The following DACH2 variants were observed in gnomAD, a reference collection of about 807,000 sequenced individuals.
DACH2 encodes dachshund family transcription factor 2, also known as dachshund homolog 2.
In DACH2, 17 loss-of-function variants were observed where a neutral mutation model predicts 35.8. The ratio of observed to expected loss-of-function variants is 0.48; its 90% CI spans 0.33 to 0.71. The LOEUF (loss-of-function observed/expected upper bound fraction) is 0.71. Among genes scored for constraint, DACH2 ranks in the 30% least tolerant of loss-of-function variants. The pLI, the probability that DACH2 is intolerant of heterozygous loss-of-function variation, is 0.02. For missense variants in DACH2, 469 were observed against 472.7 expected, an observed-to-expected ratio of 0.99 and a Z score of 0.07; for synonymous variants, 195 against 177.3, an observed-to-expected ratio of 1.10 and a Z score of -0.79.
chrX:86,170,369 C>T (rs2147872516), intron 1 of DACH2, among the ~76,000 whole-genome samples: 1 of 111,372 alleles, frequency 9.0e-6, no homozygotes, highest in African/African-American at 3.3e-5. Context: ...TCGCTTAAGG[C>T]CCTAGGGTTC....
chrX:86,204,898 A>G lies in DACH2; in HGVS notation c.488+55790A>G, dbSNP rs767833437. On this transcript the variant is annotated intron_variant, in intron 1 of 11. Coordinates refer to ENST00000373125, the MANE Select transcript of DACH2 (RefSeq NM_053281.3). Reference sequence around the variant, plus strand: ...AAAATTTGGTCTAGTTTTGTTGGTTATAGTTTTGTCTCCCTGTGGATGAGA... The same window carrying G: ...AAAATTTGGTCTAGTTTTGTTGGTTGTAGTTTTGTCTCCCTGTGGATGAGA... Among the ~76,000 whole-genome samples the G allele has an allele frequency of 2.7e-5, 3 of 111,574 alleles. No homozygotes were observed. The South Asian group carries it at 1.1e-3, about 42-fold the overall frequency.
intron 2 of DACH2, among the ~76,000 whole-genome samples, chrX:86,509,541 A>G (rs1441791023): frequency 9.0e-6 from 1 of 111,709 alleles, no homozygotes; most frequent in African/African-American, 3.3e-5. Flanking sequence ...CACAGAAAAG[A>G]TGGATTCAGT....
intron 3 of DACH2, among the ~76,000 whole-genome samples, chrX:86,629,211 C>T: frequency 9.0e-6 from 1 of 111,273 alleles, no homozygotes; most frequent in African/African-American, 3.3e-5. Context: ...AAGAGTCACT[C>T]TTGGCCCAAT....
At chrX:86,347,828 A>T (rs1395075519) in intron 1 of DACH2, among the ~76,000 whole-genome samples, 1 of 112,084 alleles carries the variant, frequency 8.9e-6, no homozygotes, top group Non-Finnish European at 1.9e-5. Context: ...AGTATCGTAC[A>T]CTTTGGGACA....
At chrX:86,665,968 A>G (rs1392680858) in intron 4 of DACH2, among the ~76,000 whole-genome samples, 1 of 111,295 alleles carries the variant, frequency 9.0e-6, no homozygotes, top group African/African-American at 3.3e-5. Flanking sequence ...TGCATACAGG[A>G]CTTCTTTGGG....
chrX:86,412,461 T>C (rs1272933643), intron 2 of DACH2, among the ~76,000 whole-genome samples: 4 of 111,816 alleles, frequency 3.6e-5, no homozygotes. Context: ...GTTGGTGTTG[T>C]AATTGTGACT....
At chrX:86,564,816 A>T (rs1419652382) in intron 3 of DACH2, among the ~76,000 whole-genome samples, 2 of 111,587 alleles carry the variant, frequency 1.8e-5, no homozygotes, top group East Asian at 5.7e-4. Context: ...GTGAAAAGTA[A>T]GCATTTTATT....
At chrX:86,392,225 C>T (rs2036215695) in intron 2 of DACH2, among the ~76,000 whole-genome samples, 2 of 111,157 alleles carry the variant, frequency 1.8e-5, no homozygotes, top group South Asian at 7.5e-4. Flanking sequence ...ATGCTTGATT[C>T]TGAATTTGAT....
intron 1 of DACH2, among the ~76,000 whole-genome samples, chrX:86,311,533 C>T (rs56157871): frequency 1.6e-3 from 176 of 111,234 alleles, no homozygotes; most frequent in Non-Finnish European, 2.3e-3. Flanking sequence ...CTGTTTCTCT[C>T]GTAGCCAGGA....
At chrX:86,251,630 G>C (rs1055942957) in intron 1 of DACH2, among the ~76,000 whole-genome samples, 2 of 111,636 alleles carry the variant, frequency 1.8e-5, no homozygotes, top group East Asian at 5.6e-4. Context: ...TAGAATAATA[G>C]TCTCCAGTTC....
intron 2 of DACH2, among the ~76,000 whole-genome samples, chrX:86,381,546 A>G (rs2036046474): frequency 9.0e-6 from 1 of 110,947 alleles, no homozygotes. Context: ...TCATAAGTCC[A>G]TGGACTTAAC....
At chrX:86,752,859 C>G (rs2041788961) in intron 7 of DACH2, among the ~76,000 whole-genome samples, 1 of 111,115 alleles carries the variant, frequency 9.0e-6, no homozygotes, top group African/African-American at 3.3e-5. Flanking sequence ...TTAGCTTAAT[C>G]CTGAATATAA....
chrX:86,800,692 T>C (rs2042284149), intron 7 of DACH2, among the ~76,000 whole-genome samples: 1 of 111,721 alleles, frequency 9.0e-6, no homozygotes, highest in Non-Finnish European at 1.9e-5. Context: ...TTTTTTGAGA[T>C]GGAGTCTCAC....
At chrX:86,381,108 G>A (rs763271290) in intron 2 of DACH2, among the ~76,000 whole-genome samples, 8 of 109,530 alleles carry the variant, frequency 7.3e-5, no homozygotes, top group African/African-American at 2.3e-4. Flanking sequence ...GCCTAGAAGT[G>A]CAATTTCTAG....
chrX:86,292,210 C>T (rs1438587143), intron 1 of DACH2, among the ~76,000 whole-genome samples: 60 of 88,349 alleles, frequency 6.8e-4, no homozygotes, highest in African/African-American at 2.4e-3. Flanking sequence ...AGTTTATTTG[C>T]GTAGAGGTGT....
At chrX:86,488,544 C>T (rs1023664753) in intron 2 of DACH2, among the ~76,000 whole-genome samples, 1 of 110,565 alleles carries the variant, frequency 9.0e-6, no homozygotes, top group South Asian at 3.8e-4. Context: ...CATTTATACC[C>T]CTTGAACCAC....
intron 7 of DACH2, among the ~76,000 whole-genome samples, chrX:86,796,245 G>A (rs137983902): frequency 0.062 from 6,922 of 111,148 alleles, 231 homozygotes; most frequent in East Asian, 0.13. Flanking sequence ...TGATTGGTGC[G>A]TTTACAAACC....
chrX:86,273,174 A>G (rs2033845893), intron 1 of DACH2, among the ~76,000 whole-genome samples: 1 of 112,230 alleles, frequency 8.9e-6, no homozygotes, highest in Non-Finnish European at 1.9e-5. Flanking sequence ...TGTACATTTC[A>G]GAAGAACAAA....
Position 86,698,525 on chromosome X carries a change from T to TTTTTTTTTG in DACH2, c.931+3354_931+3355insGTTTTTTTT, listed in dbSNP as rs2041098036. ...TTTTTGTTTTGTTAGTTTTGTGTTT[T>TTTTTTTTTG]TTTTTTTTTTTTTTTTTTTTTTTAC... On this transcript the variant is annotated intron_variant, in intron 5 of 11. Coordinates refer to ENST00000373125, the MANE Select transcript of DACH2 (RefSeq NM_053281.3). 5.6e-5 allele frequency among the ~76,000 whole-genome samples: 3 copies of TTTTTTTTTG among 53,628 alleles called. 1 individual carries two copies. Among genetic ancestry groups the TTTTTTTTTG allele is most frequent in the African/African-American group, 2.1e-4 (3 of 14,169 alleles). The allele number at this position is 53,628 out of a possible 115,157, so 46.6% of individuals were successfully genotyped here. A position where few individuals can be genotyped will look rare whatever the true frequency, so the allele number is the denominator to read the frequency against.
Sources: allele counts gnomAD v4.1 joint callset (sites outside exome capture counted in the v4.1 genomes callset), GRCh38; gene constraint gnomAD v4.1.1; transcripts MANE v1.5; gene names NCBI Gene and HGNC (gene_info 2026-07-23, HGNC 2026-07-21).